The following DSCAM variants were observed in gnomAD, a reference collection of about 807,000 sequenced individuals.
DSCAM encodes the protein cell adhesion molecule DSCAM.
A neutral mutation model predicts 217.7 loss-of-function variants in DSCAM; 47 were observed. That is an observed-to-expected ratio of 0.22 (90% CI 0.17 to 0.28). The LOEUF is 0.28. DSCAM is among the 10% of genes least tolerant of loss of function. The pLI is 1.00. For missense variants in DSCAM, 2,080 were observed against 2,618.3 expected, an observed-to-expected ratio of 0.79 and a Z score of 4.49; for synonymous variants, 1,056 against 1,015.3, an observed-to-expected ratio of 1.04 and a Z score of -0.76.
intron 8 of DSCAM, among the ~76,000 whole-genome samples, chr21:40,317,338 C>A (rs967840126): frequency 6.6e-6 from 1 of 152,196 alleles, no homozygotes; most frequent in African/African-American, 2.4e-5. Flanking sequence ...TAAGCGGTTC[C>A]TCTACTCACT....
chr21:40,431,529 G>A (rs527504378), intron 3 of DSCAM, among the ~76,000 whole-genome samples: 1 of 152,204 alleles, frequency 6.6e-6, no homozygotes, highest in East Asian at 1.9e-4. Flanking sequence ...CCTACTCAAT[G>A]TGAAGATGAT....
chr21:40,623,411 C>CA, intron 3 of DSCAM, among the ~76,000 whole-genome samples: 2 of 152,210 alleles, frequency 1.3e-5, no homozygotes, highest in East Asian at 3.9e-4. Flanking sequence ...CCAAACACAG[C>CA]AAAAAGCAGC....
At chr21:40,715,928 T>A (rs1221018752) in intron 1 of DSCAM, among the ~76,000 whole-genome samples, 1 of 152,200 alleles carries the variant, frequency 6.6e-6, no homozygotes, top group Non-Finnish European at 1.5e-5. Context: ...AGCAAGACTT[T>A]AAAAATGTAA....
chr21:40,633,130 C>T (rs555221846), intron 3 of DSCAM, among the ~76,000 whole-genome samples: 1 of 152,304 alleles, frequency 6.6e-6, no homozygotes, highest in South Asian at 2.1e-4. Flanking sequence ...TGGTTCTTCC[C>T]TATTTAATAC....
chr21:40,130,303 G>C (rs2090141645), intron 19 of DSCAM, among the ~76,000 whole-genome samples: 1 of 152,292 alleles, frequency 6.6e-6, no homozygotes, highest in Middle Eastern at 3.4e-3. Flanking sequence ...TTTAGTTGCT[G>C]TTGTGCTCAA....
At chr21:40,733,901 T>C (rs1158310133) in intron 1 of DSCAM, among the ~76,000 whole-genome samples, 1 of 152,170 alleles carries the variant, frequency 6.6e-6, no homozygotes, top group African/African-American at 2.4e-5. Context: ...GCTCAGACTT[T>C]GTCATAAACA....
At chr21:40,277,383 C>A (rs1277388731) in intron 10 of DSCAM, among the ~76,000 whole-genome samples, 2 of 152,148 alleles carry the variant, frequency 1.3e-5, no homozygotes, top group Non-Finnish European at 2.9e-5. Flanking sequence ...TGTCTCCATA[C>A]CCTAATGACA....
chr21:40,413,522 G>A (rs1234615421), intron 3 of DSCAM, among the ~76,000 whole-genome samples: 1 of 152,220 alleles, frequency 6.6e-6, no homozygotes, highest in African/African-American at 2.4e-5. Context: ...CATGGGGCCT[G>A]TAGCCCCTTT....
chr21:40,617,310 G>A (rs1286881140), intron 3 of DSCAM, among the ~76,000 whole-genome samples: 1 of 151,762 alleles, frequency 6.6e-6, no homozygotes, highest in Non-Finnish European at 1.5e-5. Flanking sequence ...ATTTTTAGTA[G>A]AGACGGGGTT....
rs1186892931 is a variant in DSCAM at position 40,085,753 on chromosome 21, G to C, written c.3981C>G (p.Pro1327=). ...TCCGCCCATCAATCGTTACTAGACTGGGTGTCCCGTTACTGCCTCACAGGA... is the reference window on the plus strand; with the variant it reads ...TCCGCCCATCAATCGTTACTAGACTCGGTGTCCCGTTACTGCCTCACAGGA... The part of the protein sequence containing the change: ...VKWMKDSNGT[P]SLVTIDGRRS... The change falls in exon 23 of 33, where the codon CCC becomes CCG. Residue 1327 remains proline (P), a synonymous_variant. Transcript: ENST00000400454. The C allele has an allele frequency of 6.6e-7, 1 of 1,515,800 alleles. No individual in the cohort carries two copies. Among genetic ancestry groups the C allele is most frequent in the African/African-American group, 1.4e-5 (1 of 73,230 alleles). 93.9% of individuals were successfully genotyped at this position (1,515,800 alleles called of 1,614,324 possible).
intron 3 of DSCAM, among the ~76,000 whole-genome samples, chr21:40,517,919 C>T (rs920459753): frequency 6.6e-6 from 1 of 152,108 alleles, no homozygotes; most frequent in South Asian, 2.1e-4. Flanking sequence ...CATTTTTCAT[C>T]ACCTGTTTGG....
intron 20 of DSCAM, among the ~76,000 whole-genome samples, chr21:40,102,932 C>T (rs1041353803): frequency 6.6e-6 from 1 of 152,164 alleles, no homozygotes; most frequent in African/African-American, 2.4e-5. Flanking sequence ...CCGACCCATC[C>T]CTCTACTCCT....
intron 20 of DSCAM, among the ~76,000 whole-genome samples, chr21:40,109,491 C>T (rs530070961): frequency 1.1e-4 from 16 of 152,148 alleles, no homozygotes; most frequent in African/African-American, 2.2e-4. Flanking sequence ...CCAGTGTGAG[C>T]GACGCAGAAG....
intron 8 of DSCAM, among the ~76,000 whole-genome samples, chr21:40,317,448 G>C (rs755421438): frequency 6.6e-6 from 1 of 152,180 alleles, no homozygotes; most frequent in Non-Finnish European, 1.5e-5. Flanking sequence ...TGACCCAGGA[G>C]GGCAGGAGAT....
chr21:40,049,275 T>G (rs2088891035), intron 30 of DSCAM, among the ~76,000 whole-genome samples: 1 of 152,166 alleles, frequency 6.6e-6, no homozygotes, highest in African/African-American at 2.4e-5. Context: ...AGGACAGCTG[T>G]TTCTCTGTCT....
chr21:40,302,014 C>T (rs530016664), intron 9 of DSCAM, among the ~76,000 whole-genome samples: 8 of 152,136 alleles, frequency 5.3e-5, no homozygotes, highest in African/African-American at 1.7e-4. Context: ...AAACTTATGA[C>T]AGAACAAAAA....
chr21:40,369,096 T>C lies in DSCAM; in HGVS notation c.655+3A>G, dbSNP rs761898931. ...AGCAGACAGAGTCTTGATAAGTTTT[T>C]ACCTGATACAAAAAGTCTGGCGCTG... On this transcript the variant is annotated splice_donor_region_variant and intron_variant, in intron 4 of 32. Coordinates refer to ENST00000400454, the MANE Select transcript of DSCAM (RefSeq NM_001389.5). 4 of 1,606,452 alleles carry C rather than the reference T, an allele frequency of 2.5e-6. No individual in the cohort carries two copies. The African/African-American group carries it at 4.0e-5, about 16-fold the overall frequency.
intron 3 of DSCAM, among the ~76,000 whole-genome samples, chr21:40,413,649 C>G (rs1027614125): frequency 2.0e-5 from 3 of 152,156 alleles, no homozygotes; most frequent in African/African-American, 7.2e-5. Context: ...TACAGGATGA[C>G]TGAAACAACT....
intron 20 of DSCAM, among the ~76,000 whole-genome samples, chr21:40,099,840 T>G (rs1228666580): frequency 6.6e-6 from 1 of 152,146 alleles, no homozygotes; most frequent in Non-Finnish European, 1.5e-5. Context: ...TCTGTGAGTA[T>G]TCCCTCTTAT....
Sources: gnomAD v4.1 joint callset for allele counts (sites outside exome capture counted in the v4.1 genomes callset) on GRCh38, gnomAD v4.1.1 for gene constraint, MANE v1.5 for transcripts, NCBI Gene and HGNC (gene_info 2026-07-23, HGNC 2026-07-21) for gene names.